The following ARHGAP15 variants were observed in gnomAD, a reference collection of about 807,000 sequenced individuals.
ARHGAP15 encodes the protein Rho GTPase activating protein 15.
Under a neutral mutation model 63.7 loss-of-function variants are expected in ARHGAP15, and 51 were observed. That is an observed-to-expected ratio of 0.80 (90% CI 0.64 to 1.01). ARHGAP15 has a LOEUF of 1.01. Ranked by LOEUF, ARHGAP15 falls within the 50% of genes least tolerant of loss-of-function variation. The pLI is 0.00. For synonymous variants in ARHGAP15, 191 were observed against 193.8 expected (o/e 0.99, Z 0.12); for missense variants, 560 against 564.6 (o/e 0.99, Z 0.08).
At chr2:143,557,593 A>G (rs989968324) in intron 11 of ARHGAP15, among the ~76,000 whole-genome samples, 1 of 152,124 alleles carries the variant, frequency 6.6e-6, no homozygotes, top group Non-Finnish European at 1.5e-5. Context: ...AATGCAACAC[A>G]AAGAGTGAAT....
At position 143,461,281 on chromosome 2, in the gene ARHGAP15, C is replaced by CAAAAAAAAAAAA. The variant is rs70982868; in HGVS notation, c.703+24253_703+24264dup. On this transcript the variant is annotated intron_variant, in intron 8 of 13. Coordinates refer to ENST00000295095, the MANE Select transcript of ARHGAP15 (RefSeq NM_018460.4). The stretch of plus-strand genomic sequence containing the variant: ...GGCTACAGAATGAGACTCTGTCTCT[C>CAAAAAAAAAAAA]AAAAAAAAAAAAAAAAAAAAAAAAA... 1.1e-4 allele frequency among the ~76,000 whole-genome samples: 6 copies of CAAAAAAAAAAAA among 55,050 alleles called. 1 individual carries two copies. Among genetic ancestry groups the CAAAAAAAAAAAA allele is most frequent in the Non-Finnish European group, 1.5e-4 (5 of 33,032 alleles). The allele number at this position is 55,050 out of a possible 152,430, so 36.1% of individuals were successfully genotyped here.
At chr2:143,574,493 TTAA>T (rs2105128606) in intron 11 of ARHGAP15, among the ~76,000 whole-genome samples, 1 of 151,744 alleles carries the variant, frequency 6.6e-6, no homozygotes, top group South Asian at 2.1e-4. Flanking sequence ...AATAATAAAA[TTAA>T]AAAATAATAA....
intron 6 of ARHGAP15, among the ~76,000 whole-genome samples, chr2:143,262,502 C>T (rs1258332687): frequency 7.0e-6 from 1 of 142,724 alleles, no homozygotes. Context: ...AGGAGTCAAT[C>T]GGACCTTTGT....
chr2:143,158,586 G>A (rs1161564910), intron 2 of ARHGAP15, among the ~76,000 whole-genome samples: 1 of 151,842 alleles, frequency 6.6e-6, no homozygotes, highest in African/African-American at 2.4e-5. Flanking sequence ...ACTTTTTGAC[G>A]TGGGAAATGT....
At position 143,612,127 on chromosome 2, in the gene ARHGAP15, C is replaced by G. The variant is rs539789420; in HGVS notation, c.1004-12006C>G. On this transcript the variant is annotated intron_variant, in intron 11 of 13. Transcript: ENST00000295095. ...TCACATCTAACAGAGACCATTTAATCTATTAGCATAACAGTTACACTTTTC... is the reference window on the plus strand; with the variant it reads ...TCACATCTAACAGAGACCATTTAATGTATTAGCATAACAGTTACACTTTTC... Among the ~76,000 whole-genome samples, 23 of 152,316 alleles carry G rather than the reference C, an allele frequency of 1.5e-4. 1 individual carries two copies. The South Asian group carries it at 4.6e-3, about 30-fold the overall frequency.
At chr2:143,730,892 T>TAAAAAAAAAAA (rs1158246680) in intron 13 of ARHGAP15, among the ~76,000 whole-genome samples, 1 of 84,052 alleles carries the variant, frequency 1.2e-5, no homozygotes, top group Non-Finnish European at 2.2e-5. Flanking sequence ...AGCACTCCTT[T>TAAAAAAAAAAA]AAAAAAAAAA....
At chr2:143,743,998 G>T (rs1686065425) in intron 13 of ARHGAP15, among the ~76,000 whole-genome samples, 1 of 150,500 alleles carries the variant, frequency 6.6e-6, no homozygotes, top group African/African-American at 2.4e-5. Flanking sequence ...TCATTTCATT[G>T]TTTAAGATAC....
At chr2:143,260,384 C>G (rs1680659672) in intron 6 of ARHGAP15, among the ~76,000 whole-genome samples, 1 of 151,922 alleles carries the variant, frequency 6.6e-6, no homozygotes, top group Admixed American at 6.6e-5. Context: ...AAACCTTGAC[C>G]CTTTAAATGG....
At chr2:143,406,965 G>C (rs986401183) in intron 6 of ARHGAP15, among the ~76,000 whole-genome samples, 2 of 151,820 alleles carry the variant, frequency 1.3e-5, no homozygotes, top group Non-Finnish European at 2.9e-5. Context: ...TGGAAGTGGT[G>C]GATTTACTGT....
chr2:143,341,184 C>G (rs763872125), intron 6 of ARHGAP15, among the ~76,000 whole-genome samples: 1 of 152,040 alleles, frequency 6.6e-6, no homozygotes, highest in Non-Finnish European at 1.5e-5. Context: ...CTCCGGCATC[C>G]CTTCTTTTGG....
Position 143,486,847 on chromosome 2 carries a change from A to T in ARHGAP15, c.704-526A>T, listed in dbSNP as rs896428420. On this transcript the variant is annotated intron_variant, in intron 8 of 13. Transcript: ENST00000295095. ...CTGAATTTCACATAGAACTGGTAGTAATTATACATCAATAAGGAGAGTAAG... is the reference window on the plus strand; with the variant it reads ...CTGAATTTCACATAGAACTGGTAGTTATTATACATCAATAAGGAGAGTAAG... 2.0e-5 allele frequency among the ~76,000 whole-genome samples: 3 copies of T among 152,338 alleles called. No individual in the cohort carries two copies. The South Asian group carries it at 6.2e-4, about 32-fold the overall frequency.
intron 3 of ARHGAP15, among the ~76,000 whole-genome samples, chr2:143,214,178 G>T (rs911751351): frequency 3.3e-5 from 5 of 152,158 alleles, no homozygotes; most frequent in Admixed American, 1.3e-4. Flanking sequence ...TTTTAGCAGA[G>T]AACGCATGCA....
chr2:143,379,129 G>A (rs575047662), intron 6 of ARHGAP15, among the ~76,000 whole-genome samples: 1 of 152,068 alleles, frequency 6.6e-6, no homozygotes, highest in Non-Finnish European at 1.5e-5. Flanking sequence ...AAGCAGAGAT[G>A]ATTAATCAAT....
At chr2:143,668,403 A>G (rs896257571) in intron 12 of ARHGAP15, among the ~76,000 whole-genome samples, 19 of 151,538 alleles carry the variant, frequency 1.3e-4, no homozygotes, top group African/African-American at 4.4e-4. Context: ...TCCCTGGTGC[A>G]AGCTCTGTGT....
chr2:143,175,728 G>A (rs915820302), intron 2 of ARHGAP15, among the ~76,000 whole-genome samples: 1 of 152,062 alleles, frequency 6.6e-6, no homozygotes, highest in Non-Finnish European at 1.5e-5. Flanking sequence ...ACTTAGAAAT[G>A]GGTGCAATAT....
intron 6 of ARHGAP15, among the ~76,000 whole-genome samples, chr2:143,369,731 A>C (rs1019244897): frequency 6.6e-6 from 1 of 152,146 alleles, no homozygotes; most frequent in Non-Finnish European, 1.5e-5. Context: ...TTTTAGTGCA[A>C]GGTATTCTAC....
intron 6 of ARHGAP15, among the ~76,000 whole-genome samples, chr2:143,262,669 C>T (rs1377878321): frequency 6.6e-6 from 1 of 151,506 alleles, no homozygotes; most frequent in African/African-American, 2.4e-5. Flanking sequence ...CATTCTTCCT[C>T]CTGCTGCTGT....
chr2:143,446,936 T>C (rs542957847), intron 8 of ARHGAP15, among the ~76,000 whole-genome samples: 10 of 152,314 alleles, frequency 6.6e-5, no homozygotes, highest in African/African-American at 2.4e-4. Context: ...ATTTCATCCA[T>C]GTCCCTACAA....
chr2:143,254,426 A>G (rs13024395), intron 6 of ARHGAP15, among the ~76,000 whole-genome samples: 24,446 of 152,012 alleles, frequency 0.16, 2,081 homozygotes, highest in Middle Eastern at 0.25. Flanking sequence ...AAAAAAAAAA[A>G]AAACTCTTAT....
Sources: allele counts gnomAD v4.1 joint callset (sites outside exome capture counted in the v4.1 genomes callset), GRCh38; gene constraint gnomAD v4.1.1; transcripts MANE v1.5; gene names NCBI Gene and HGNC (gene_info 2026-07-23, HGNC 2026-07-21).